Variants in MOSPD2 observed in about 807,000 individuals in gnomAD.
MOSPD2 encodes the protein motile sperm domain containing 2.
A neutral mutation model predicts 41.7 loss-of-function variants in MOSPD2; 5 were observed. That is an observed-to-expected ratio of 0.12 (90% confidence interval 0.06 to 0.25). The LOEUF (loss-of-function observed/expected upper bound fraction) is 0.25. Ranked by LOEUF, MOSPD2 falls within the 10% of genes least tolerant of loss-of-function variation. The pLI, the probability that MOSPD2 is intolerant of heterozygous loss-of-function variation, is 1.00. For missense variants in MOSPD2, 282 were observed against 375.2 expected, an observed-to-expected ratio of 0.75 and a Z score of 2.05; for synonymous variants, 115 against 126.9, an observed-to-expected ratio of 0.91 and a Z score of 0.63.
At chrX:14,905,303 C>T (rs1463131812) in intron 7 of MOSPD2, among the ~76,000 whole-genome samples, 3 of 110,520 alleles carry the variant, frequency 2.7e-5, no homozygotes, top group African/African-American at 9.8e-5. Flanking sequence ...TCAAGCCTTA[C>T]ATAAATGAAA....
intron 2 of MOSPD2, among the ~76,000 whole-genome samples, chrX:14,884,172 G>C (rs1471675702): frequency 1.9e-5 from 2 of 103,737 alleles, no homozygotes; most frequent in Non-Finnish European, 4.0e-5. Context: ...ACCATTGCTG[G>C]AAAAAAAAAA....
At chrX:14,877,390 T>G (rs2092522590) in intron 2 of MOSPD2, among the ~76,000 whole-genome samples, 1 of 110,592 alleles carries the variant, frequency 9.0e-6, no homozygotes, top group South Asian at 3.9e-4. Context: ...TTGCCCAGGC[T>G]GGAGTGCAAT....
intron 8 of MOSPD2, among the ~76,000 whole-genome samples, chrX:14,910,154 T>A (rs1013717603): frequency 5.4e-5 from 6 of 110,435 alleles, no homozygotes; most frequent in Admixed American, 3.9e-4. Context: ...GTATTTTTTT[T>A]CAAAAAATAA....
At chrX:14,896,564 G>C (rs2092563534) in intron 4 of MOSPD2, among the ~76,000 whole-genome samples, 1 of 111,610 alleles carries the variant, frequency 9.0e-6, no homozygotes, top group Non-Finnish European at 1.9e-5. Context: ...AAGTGCCCTA[G>C]AGTTTCATTC....
chrX:14,893,677 A>C (rs1267151795), intron 3 of MOSPD2, among the ~76,000 whole-genome samples: 2 of 112,624 alleles, frequency 1.8e-5, no homozygotes, highest in Non-Finnish European at 3.8e-5. Flanking sequence ...AGTCAACAAT[A>C]AATCCAGAGC....
chrX:14,912,024 T>C (rs1225099067), intron 9 of MOSPD2, among the ~76,000 whole-genome samples: 1 of 112,467 alleles, frequency 8.9e-6, no homozygotes, highest in Non-Finnish European at 1.9e-5. Flanking sequence ...CTTTCTCTAA[T>C]TTTTAAAAGA....
In MOSPD2 at chrX:14,876,737, G is replaced by A. The variant is rs747013375; in HGVS notation, c.79+2979G>A. ...AGTGTATCAGTATTAGAGAAAGAGC[G>A]GAGGAAGGGTAGAGCCCCTTCTGAA... On this transcript the variant is annotated intron_variant, in intron 2 of 14. Coordinates refer to ENST00000380492, the MANE Select transcript of MOSPD2 (RefSeq NM_152581.4). 2.9e-4 allele frequency among the ~76,000 whole-genome samples: 32 copies of A among 111,680 alleles called. No individual in the cohort carries two copies. In the East Asian group the frequency reaches 3.9e-3, roughly 14 times the overall value.
chrX:14,877,266 C>A lies in MOSPD2; in HGVS notation c.79+3508C>A, dbSNP rs186987565. On this transcript the variant is annotated intron_variant, in intron 2 of 14. Transcript: ENST00000380492. ...TCATTTAAATTAATTTGGGTCATAC[C>A]AAAAATATCTGAAGAAACCCCCATA... Among the ~76,000 whole-genome samples the A allele has an allele frequency of 2.7e-4, 30 of 111,808 alleles. 1 individual carries two copies. In the East Asian group the frequency reaches 7.9e-3, roughly 29 times the overall value.
At chrX:14,906,109 C>G (rs1207137488) in intron 7 of MOSPD2, among the ~76,000 whole-genome samples, 1 of 111,310 alleles carries the variant, frequency 9.0e-6, no homozygotes, top group Non-Finnish European at 1.9e-5. Flanking sequence ...TATGAAAATG[C>G]AAGAAACCAA....
chrX:14,915,816 G>A, intron 12 of MOSPD2, 52 bp downstream of exon 12: 1 of 1,015,897 alleles, frequency 9.8e-7, no homozygotes, highest in Non-Finnish European at 1.4e-6. Context: ...TGGGGGTAAG[G>A]GGACCTGGAC....
chrX:14,877,105 A>G (rs1159144802), intron 2 of MOSPD2, among the ~76,000 whole-genome samples: 1 of 111,629 alleles, frequency 9.0e-6, no homozygotes, highest in Non-Finnish European at 1.9e-5. Context: ...CACATGGCTA[A>G]ATACAGTGGG....
intron 2 of MOSPD2, among the ~76,000 whole-genome samples, chrX:14,888,200 A>ACACG (rs1385431597): frequency 1.1e-3 from 42 of 38,053 alleles, no homozygotes; most frequent in Admixed American, 2.6e-3. Flanking sequence ...ATATATACAC[A>ACACG]CACACGCACA....
intron 3 of MOSPD2, 108 bp from the exon 4 acceptor site, chrX:14,895,200 A>G (rs1183246669): frequency 1.0e-5 from 5 of 498,010 alleles, no homozygotes; most frequent in South Asian, 3.1e-5. Context: ...TGGGTACATT[A>G]TATCATTTTT....
At chrX:14,877,509 A>G (rs777507185) in intron 2 of MOSPD2, among the ~76,000 whole-genome samples, 2 of 109,233 alleles carry the variant, frequency 1.8e-5, no homozygotes, top group African/African-American at 6.6e-5. Context: ...TGCCCAGCTA[A>G]TTTTGTATTT....
intron 2 of MOSPD2, among the ~76,000 whole-genome samples, chrX:14,879,682 A>G (rs1443722731): frequency 1.8e-5 from 2 of 111,857 alleles, no homozygotes; most frequent in African/African-American, 6.5e-5. Flanking sequence ...CAGTAAAATG[A>G]GTAGGTGGTA....
At chrX:14,890,979 T>TC (rs2092552529) in intron 2 of MOSPD2, among the ~76,000 whole-genome samples, 1 of 112,241 alleles carries the variant, frequency 8.9e-6, no homozygotes, top group African/African-American at 3.2e-5. Context: ...AAGGAATAGA[T>TC]TCCATCAACA....
At chrX:14,918,538 T>A in intron 13 of MOSPD2, 142 bp from the exon 14 acceptor site, 3 of 440,434 alleles carry the variant, frequency 6.8e-6, no homozygotes, top group Non-Finnish European at 1.2e-5. Context: ...AGAGCAACTG[T>A]CTTAGGTGAA....
intron 2 of MOSPD2, among the ~76,000 whole-genome samples, chrX:14,880,647 T>G (rs927566063): frequency 1.8e-5 from 2 of 111,820 alleles, no homozygotes; most frequent in African/African-American, 6.5e-5. Context: ...ACTTTTGGTT[T>G]GCTAGTTTGG....
chrX:14,914,052 C>T (rs1416436226), intron 10 of MOSPD2, among the ~76,000 whole-genome samples: 1 of 112,230 alleles, frequency 8.9e-6, no homozygotes, highest in Non-Finnish European at 1.9e-5. Flanking sequence ...CTGTTAAATA[C>T]ATTCCTAATC....
Sources: allele counts gnomAD v4.1 joint callset (sites outside exome capture counted in the v4.1 genomes callset), GRCh38; gene constraint gnomAD v4.1.1; transcripts MANE v1.5; gene names NCBI Gene and HGNC (gene_info 2026-07-23, HGNC 2026-07-21).